ZNF462: variants seen among roughly 807,000 people sequenced by gnomAD.
ZNF462 encodes zinc finger PBX1-interacting protein.
In ZNF462, 10 loss-of-function variants were observed where a neutral mutation model predicts 201.9. That is an observed-to-expected ratio of 0.05 (90% CI 0.03 to 0.08). The LOEUF (loss-of-function observed/expected upper bound fraction) is 0.08. ZNF462 is among the 10% of genes least tolerant of loss of function. The probability of loss-of-function intolerance (pLI) is 1.00; values close to 1 mark genes in which losing one functional copy is unlikely to be tolerated. For synonymous variants in ZNF462, 1,227 were observed against 1,193.3 expected, an observed-to-expected ratio of 1.03 and a Z score of -0.58; for missense variants, 2,523 against 3,168.3, an observed-to-expected ratio of 0.80 and a Z score of 4.89.
chr9:106,943,055 C>CGTGTGTGTGTGTGTGT (rs771634911), intron 7 of ZNF462, among the ~76,000 whole-genome samples: 10 of 81,186 alleles, frequency 1.2e-4, no homozygotes, highest in African/African-American at 4.8e-4. Flanking sequence ...TTGTTTTGCG[C>CGTGTGTGTGTGTGTGT]GCGCGTGTGT....
In ZNF462 at chr9:106,929,163, G is replaced by A. The variant is rs1454540041; in HGVS notation, c.5251G>A (p.Asp1751Asn). Residue 1751 changes from aspartate (D) to asparagine (N), a missense_variant, in exon 3 of 13, where the codon GAC becomes AAC. Asp to Asn is a conservative substitution (Grantham distance 23). Transcript: ENST00000277225. The surrounding 1 kb of genome is among the most constrained non-coding windows in gnomAD (Gnocchi z 8.7). ...NKVIIPSPPK[D>N]DSPQLSEELR... ...AGTGATCATCCCATCCCCGCCCAAG[G>A]ACGACTCCCCTCAGCTGAGCGAGGA... 1.9e-6 allele frequency: 3 copies of A among 1,613,990 alleles called. No homozygotes were observed. The highest frequency in any genetic ancestry group is 2.7e-5 in the African/African-American group (2 of 74,892).
At chr9:106,998,273 T>C (rs1248174778) in intron 10 of ZNF462, among the ~76,000 whole-genome samples, 1 of 152,210 alleles carries the variant, frequency 6.6e-6, no homozygotes, top group East Asian at 1.9e-4. Context: ...CAGTCTGTCC[T>C]ATTTGATGCC....
rs142632687 is a variant in ZNF462 at position 106,971,952 on chromosome 9, G to T, written c.6428-53G>T. 2.7e-4 allele frequency: 421 copies of T among 1,553,036 alleles called. 2 individuals carry two copies. The African/African-American group carries it at 4.5e-3, about 17-fold the overall frequency. On this transcript the variant is annotated intron_variant, in intron 7 of 12. Coordinates refer to ENST00000277225, the MANE Select transcript of ZNF462 (RefSeq NM_021224.6). ...CTGATGTCAGGGGTTTTCAAGCATC[G>T]ATCACCTACTGTGTTCTCTGTGCCC...
At position 106,981,144 on chromosome 9, in the gene ZNF462, GA is replaced by G. The variant is rs1306334693; in HGVS notation, c.6833-3041del. On this transcript the variant is annotated intron_variant, in intron 9 of 12. Coordinates refer to ENST00000277225, the MANE Select transcript of ZNF462 (RefSeq NM_021224.6). The surrounding 1 kb of genome is among the most constrained non-coding windows in gnomAD (Gnocchi z 4.0). Reference sequence around the variant, plus strand: ...TCTCAGTAAAAACTCACATAATTAAGAGATTTGGTAGACTGGCATTGTCTTA... The same window carrying G: ...TCTCAGTAAAAACTCACATAATTAAGGATTTGGTAGACTGGCATTGTCTTA... Among the ~76,000 whole-genome samples, 1 of 152,116 alleles carries G rather than the reference GA, an allele frequency of 6.6e-6. No homozygotes were observed. The highest frequency in any genetic ancestry group is 2.4e-5 in the African/African-American group (1 of 41,408).
chr9:107,001,125 C>G (rs566374904), intron 10 of ZNF462, among the ~76,000 whole-genome samples: 1 of 152,128 alleles, frequency 6.6e-6, no homozygotes, highest in East Asian at 1.9e-4. Context: ...AGAAAGTGGC[C>G]CAGGAAAGGC....
At chr9:106,942,428 T>C (rs780470348) in intron 7 of ZNF462, among the ~76,000 whole-genome samples, 1 of 152,212 alleles carries the variant, frequency 6.6e-6, no homozygotes, top group Non-Finnish European at 1.5e-5. Flanking sequence ...AGTGTTGACA[T>C]GTTTCACCAG....
chr9:106,921,359 C>G (rs531896380), intron 1 of ZNF462, among the ~76,000 whole-genome samples: 1 of 152,302 alleles, frequency 6.6e-6, no homozygotes, highest in East Asian at 1.9e-4. Context: ...GAAATGAAAA[C>G]AGTTAATTCT....
chr9:107,004,433 A>G (rs73668722), intron 11 of ZNF462, among the ~76,000 whole-genome samples: 5,788 of 152,258 alleles, frequency 0.038, 321 homozygotes, highest in African/African-American at 0.13. Flanking sequence ...CTTACTGTCT[A>G]GATGGCTTGG....
rs1056570369 is a variant in ZNF462 at position 106,913,696 on chromosome 9, C to G, written c.-30-9658C>G. On this transcript the variant is annotated intron_variant, in intron 1 of 12. Coordinates refer to ENST00000277225, the MANE Select transcript of ZNF462 (RefSeq NM_021224.6). The surrounding 1 kb of genome is among the most constrained non-coding windows in gnomAD (Gnocchi z 4.1). ...CACTGCAACCTCTGTCTCCCAGGCT[C>G]AAACAGTTTTCCTGCCTCAGCCTCC... is the stretch of plus-strand genomic sequence containing the variant. Among the ~76,000 whole-genome samples, 1 of 139,638 alleles carries G rather than the reference C, an allele frequency of 7.2e-6. No homozygotes were observed. Among genetic ancestry groups the G allele is most frequent in the Non-Finnish European group, 1.6e-5 (1 of 60,714 alleles). The allele number at this position is 139,638 out of a possible 152,430, so 91.6% of individuals were successfully genotyped here. A position where few individuals can be genotyped will look rare whatever the true frequency, so the allele number is the denominator to read the frequency against.
At position 106,927,515 on chromosome 9, in the gene ZNF462, G is replaced by T; in HGVS notation, c.3603G>T (p.Gly1201=). Residue 1201 remains glycine, a synonymous_variant, in exon 3 of 13, where the codon GGG becomes GGT. Coordinates refer to ENST00000277225, the MANE Select transcript of ZNF462 (RefSeq NM_021224.6). ...EMFFCQHCDY[G]NRTVKGVLIH... is the part of the protein sequence containing the mutation. ...TCTTTTGCCAGCACTGTGATTATGG[G>T]AACCGGACGGTCAAAGGGGTACTCA... 6.2e-7 allele frequency: 1 copy of T among 1,613,884 alleles called. No individual in the cohort carries two copies. The highest frequency in any genetic ancestry group is 8.5e-7 in the Non-Finnish European group (1 of 1,179,984).
At chr9:106,908,925 ATATATATATATATATATTTTTTTTTT>A in intron 1 of ZNF462, among the ~76,000 whole-genome samples, 1 of 25,984 alleles carries the variant, frequency 3.8e-5, no homozygotes, top group African/African-American at 2.6e-4. Flanking sequence ...ATATATATAT[ATATATATATATATATATTTTTTTTTT>A]TTTTTTTTTT....
chr9:107,000,642 T>C (rs192073038), intron 10 of ZNF462, among the ~76,000 whole-genome samples: 66 of 152,326 alleles, frequency 4.3e-4, no homozygotes, highest in Non-Finnish European at 6.9e-4. Flanking sequence ...GCAAAGATTT[T>C]AGAAATCTTC....
intron 11 of ZNF462, among the ~76,000 whole-genome samples, chr9:107,007,273 C>T (rs879929443): frequency 4.6e-5 from 7 of 152,156 alleles, no homozygotes; most frequent in African/African-American, 7.2e-5. Flanking sequence ...AAAGAAAACT[C>T]GAATTTAAAA....
intron 6 of ZNF462, among the ~76,000 whole-genome samples, chr9:106,936,394 AC>A (rs2131592371): frequency 6.6e-6 from 1 of 152,270 alleles, no homozygotes; most frequent in South Asian, 2.1e-4. Flanking sequence ...TGTTGTAAGA[AC>A]TGCTCAGAAC....
rs80287894 is a variant in ZNF462, at chr9:106,915,701, A to G, written c.-30-7653A>G. Among the ~76,000 whole-genome samples the G allele has an allele frequency of 1.1e-3, 167 of 152,348 alleles. 2 individuals carry two copies. In the East Asian group the frequency reaches 0.03, roughly 27 times the overall value. Reference sequence around the variant, plus strand: ...GGCAGAAGTCAAGAAGAGGAAAACAAAAAATCACAGTCCCCTTGAGTAGGA... The same window carrying G: ...GGCAGAAGTCAAGAAGAGGAAAACAGAAAATCACAGTCCCCTTGAGTAGGA... On this transcript the variant is annotated intron_variant, in intron 1 of 12. Transcript: ENST00000277225.
At position 106,927,999 on chromosome 9, in the gene ZNF462, C is replaced by T. The variant is rs374016854; in HGVS notation, c.4087C>T (p.Pro1363Ser). The T allele has an allele frequency of 4.3e-6, 7 of 1,614,046 alleles. No individual in the cohort carries two copies. The African/African-American group carries it at 8.0e-5, about 18-fold the overall frequency. The change falls in exon 3 of 13, where the codon CCA (proline) becomes TCA (serine). Residue 1363 changes from proline to serine, a missense_variant. Pro to Ser is a moderately conservative substitution (Grantham distance 74). This residue lies in a region of ZNF462 where 165 missense variants were observed against 142.6 expected (regional missense o/e 1.16). Transcript: ENST00000277225. ...PDPSPPSLTM[P>S]AEAKTYRCRD... is the part of the protein sequence containing the mutation. ...CCCATCCCCTCCCTCTCTCACAATG[C>T]CAGCCGAAGCCAAAACCTACAGATG...
intron 10 of ZNF462, chr9:106,995,466 A>G (rs1233421064): frequency 1.3e-5 from 2 of 152,182 alleles, no homozygotes; most frequent in Non-Finnish European, 2.9e-5. Context: ...GTGTTCAGCC[A>G]GTATAGCCAT....
intron 9 of ZNF462, chr9:106,975,631 C>G (rs1391427916): frequency 1.3e-5 from 2 of 152,324 alleles, no homozygotes; most frequent in African/African-American, 4.8e-5. Flanking sequence ...CCTCAGTCAC[C>G]TGGCTTCCGG....
chr9:106,946,961 G>A (rs1831136205), intron 7 of ZNF462, among the ~76,000 whole-genome samples: 1 of 151,672 alleles, frequency 6.6e-6, no homozygotes, highest in Non-Finnish European at 1.5e-5. Context: ...ACATATTTTT[G>A]TTAACATGTT....
Sources: gnomAD v4.1 joint callset for allele counts (sites outside exome capture counted in the v4.1 genomes callset) on GRCh38, gnomAD v4.1.1 for gene constraint, gnomAD v4.1.1 regional missense constraint, Gnocchi (gnomAD v3.1) non-coding constraint, MANE v1.5 for transcripts, NCBI Gene and HGNC (gene_info 2026-07-23, HGNC 2026-07-21) for gene names.